Variants in MAP4 observed in about 807,000 individuals in gnomAD.
MAP4 encodes the protein microtubule associated protein 4, also known as microtubule-associated protein 4.
A neutral mutation model predicts 170.2 loss-of-function variants in MAP4; 76 were observed. That is an observed-to-expected ratio of 0.45 (90% CI 0.37 to 0.54). MAP4 has a LOEUF of 0.54. MAP4 is among the 20% of genes least tolerant of loss of function. MAP4 has a pLI of 0.00. For synonymous variants in MAP4, 909 were observed against 994.5 expected (o/e 0.91, Z 1.62); for missense variants, 2,506 against 2,748.0 (o/e 0.91, Z 1.97).
At chr3:47,876,669 C>T (rs1273786754) in intron 11 of MAP4, among the ~76,000 whole-genome samples, 1 of 152,078 alleles carries the variant, frequency 6.6e-6, no homozygotes, top group Non-Finnish European at 1.5e-5. Flanking sequence ...CAATAGCAGC[C>T]ACAGCCTACA....
At chr3:48,048,760 T>G (rs1193326817) in intron 1 of MAP4, among the ~76,000 whole-genome samples, 1 of 152,104 alleles carries the variant, frequency 6.6e-6, no homozygotes, top group African/African-American at 2.4e-5. Flanking sequence ...CACTGATACA[T>G]AACTGTTAAC....
chr3:48,064,583 T>C (rs1023111313), intron 1 of MAP4, among the ~76,000 whole-genome samples: 2 of 152,172 alleles, frequency 1.3e-5, no homozygotes, highest in African/African-American at 2.4e-5. Context: ...TCTTGATAAA[T>C]AGGTTCTGTT....
chr3:47,992,382 G>C (rs1191101238), intron 2 of MAP4, among the ~76,000 whole-genome samples: 1 of 151,954 alleles, frequency 6.6e-6, no homozygotes, highest in Non-Finnish European at 1.5e-5. Flanking sequence ...AGCTGGTATG[G>C]AAAAAATGTA....
intron 8 of MAP4, among the ~76,000 whole-genome samples, chr3:47,913,103 CAG>C (rs995412601): frequency 1.3e-5 from 2 of 152,098 alleles, no homozygotes; most frequent in Non-Finnish European, 2.9e-5. Flanking sequence ...TCCCAAAAGA[CAG>C]AGAAATATAT....
chr3:48,022,165 T>G (rs928663923), intron 1 of MAP4, among the ~76,000 whole-genome samples: 4 of 152,280 alleles, frequency 2.6e-5, no homozygotes, highest in South Asian at 4.1e-4. Flanking sequence ...TCACAGTATA[T>G]ACAAAAAGTA....
intron 3 of MAP4, among the ~76,000 whole-genome samples, chr3:47,960,106 C>T (rs555191303): frequency 1.4e-4 from 21 of 152,194 alleles, no homozygotes; most frequent in African/African-American, 4.3e-4. Context: ...TCAAGTGATC[C>T]GCCTGCCTCG....
At chr3:47,925,699 T>C (rs562573046) in intron 4 of MAP4, among the ~76,000 whole-genome samples, 1 of 152,134 alleles carries the variant, frequency 6.6e-6, no homozygotes, top group East Asian at 1.9e-4. Flanking sequence ...AAAAAGCAAA[T>C]TGGTAGTTGC....
chr3:47,927,690 G>GTCTCGAAC, intron 4 of MAP4, among the ~76,000 whole-genome samples: 1 of 152,268 alleles, frequency 6.6e-6, no homozygotes, highest in East Asian at 1.9e-4. Context: ...GGTCAGGCTT[G>GTCTCGAAC]TCTCGAACTC....
At chr3:47,955,880 G>A (rs2100067529) in intron 3 of MAP4, among the ~76,000 whole-genome samples, 1 of 152,190 alleles carries the variant, frequency 6.6e-6, no homozygotes, top group African/African-American at 2.4e-5. Context: ...GATACTTGAA[G>A]TGTCCATGGC....
At chr3:48,074,904 T>A (rs1036393606) in intron 1 of MAP4, among the ~76,000 whole-genome samples, 1 of 151,964 alleles carries the variant, frequency 6.6e-6, no homozygotes, top group African/African-American at 2.4e-5. Flanking sequence ...AAGTGGAAGA[T>A]CTGACATTGT....
chr3:47,856,833 CA>C (rs2057366457), intron 18 of MAP4, among the ~76,000 whole-genome samples: 1 of 152,254 alleles, frequency 6.6e-6, no homozygotes. Flanking sequence ...GTCCTACTCA[CA>C]AATCTGCTGT....
chr3:47,954,665 G>A (rs1315125484), intron 3 of MAP4, among the ~76,000 whole-genome samples: 1 of 152,174 alleles, frequency 6.6e-6, no homozygotes, highest in African/African-American at 2.4e-5. Flanking sequence ...TTAGAGAAAA[G>A]GAAATACCCA....
intron 17 of MAP4, among the ~76,000 whole-genome samples, chr3:47,858,626 G>GCGCGT (rs1443885169): frequency 2.0e-5 from 3 of 147,974 alleles, no homozygotes; most frequent in African/African-American, 7.9e-5. Flanking sequence ...CGCGTTGTGT[G>GCGCGT]TGTGTGTGTG....
At chr3:47,938,281 T>C (rs1333285226) in intron 3 of MAP4, among the ~76,000 whole-genome samples, 2 of 152,000 alleles carry the variant, frequency 1.3e-5, no homozygotes, top group Non-Finnish European at 2.9e-5. Context: ...GACAGGAGAA[T>C]TGTTTGAACC....
Position 47,855,204 on chromosome 3 carries a change from C to G in MAP4, c.6696+44G>C. 1 of 1,405,264 alleles carries G rather than the reference C, an allele frequency of 7.1e-7. No homozygotes were observed. Among genetic ancestry groups the G allele is most frequent in the Non-Finnish European group, 1.0e-6 (1 of 990,572 alleles). The allele number at this position is 1,405,264 out of a possible 1,614,324, so 87.0% of individuals were successfully genotyped here. A position where few individuals can be genotyped will look rare whatever the true frequency, so the allele number is the denominator to read the frequency against. ...GGACCCTGACCCTAACTGCATAGTTCCCACCCCTCCCCAGCTGTGTCTCCC... is the reference window on the plus strand; with the variant it reads ...GGACCCTGACCCTAACTGCATAGTTGCCACCCCTCCCCAGCTGTGTCTCCC... On this transcript the variant is annotated intron_variant, in intron 19 of 20. Coordinates refer to ENST00000683076, the MANE Select transcript of MAP4 (RefSeq NM_001385682.1). This position sits in a 1 kb window ranked among gnomAD's most constrained non-coding sequence, Gnocchi z 5.1.
chr3:47,966,205 C>CT (rs2154195568), intron 3 of MAP4, among the ~76,000 whole-genome samples: 1 of 131,926 alleles, frequency 7.6e-6, no homozygotes, highest in Admixed American at 8.4e-5. Flanking sequence ...TCCTGAGTAG[C>CT]TGGGACTACA....
chr3:48,066,245 C>T (rs1000764116), intron 1 of MAP4, among the ~76,000 whole-genome samples: 1 of 152,108 alleles, frequency 6.6e-6, no homozygotes, highest in South Asian at 2.1e-4. Flanking sequence ...TCTCTAAATA[C>T]CCTGGCTCTG....
chr3:47,916,777 C>A lies in MAP4; in HGVS notation c.1050G>T (p.Leu350=), dbSNP rs761301019. The change falls in exon 7 of 21, where the codon CTG becomes CTT. Residue 350 remains leucine (L), a synonymous_variant. Transcript: ENST00000683076. The part of the protein sequence containing the change: ...TEVAPAKDVT[L]LKETERASPI... Reference sequence around the variant, plus strand: ...GAGATGCCCTCTCTGTTTCTTTCAACAGTGTCACATCCTTGGCTGGGGCTA... The same window carrying A: ...GAGATGCCCTCTCTGTTTCTTTCAAAAGTGTCACATCCTTGGCTGGGGCTA... 1.9e-6 allele frequency: 3 copies of A among 1,614,128 alleles called. No individual in the cohort carries two copies. The highest frequency in any genetic ancestry group is 2.5e-6 in the Non-Finnish European group (3 of 1,180,022).
At chr3:48,004,697 A>T (rs571117543) in intron 1 of MAP4, among the ~76,000 whole-genome samples, 2 of 152,302 alleles carry the variant, frequency 1.3e-5, no homozygotes. Flanking sequence ...CATTGATTGG[A>T]AAAGAATGAG....
Sources: allele counts gnomAD v4.1 joint callset (sites outside exome capture counted in the v4.1 genomes callset), GRCh38; gene constraint gnomAD v4.1.1; non-coding constraint Gnocchi (gnomAD v3.1); transcripts MANE v1.5; gene names NCBI Gene and HGNC (gene_info 2026-07-23, HGNC 2026-07-21).